The following PTCD1 variants were observed in gnomAD, a reference collection of about 807,000 sequenced individuals.
The protein encoded by PTCD1 is pentatricopeptide repeat domain 1, also known as pentatricopeptide repeat-containing protein 1, mitochondrial.
In PTCD1, 50 loss-of-function variants were observed where a neutral mutation model predicts 53.4. The observed-to-expected ratio is 0.94, with a 90% confidence interval of 0.75 to 1.19. PTCD1 has a LOEUF of 1.19. Ranked by LOEUF, PTCD1 falls within the 50% of genes most tolerant of loss-of-function variation. PTCD1 has a pLI of 0.00. For missense variants in PTCD1, 918 were observed against 904.8 expected, an observed-to-expected ratio of 1.01 and a Z score of -0.19; for synonymous variants, 413 against 394.8, an observed-to-expected ratio of 1.05 and a Z score of -0.55.
chr7:99,425,031 T>A lies in PTCD1; in HGVS notation c.1501A>T (p.Ser501Cys). 6.2e-7 allele frequency: 1 copy of A among 1,614,200 alleles called. No individual in the cohort carries two copies. The highest frequency in any genetic ancestry group is 8.5e-7 in the Non-Finnish European group (1 of 1,180,040). The change falls in exon 6 of 8, where the codon AGT becomes TGT. Residue 501 changes from serine (S) to cysteine (C), a missense_variant. Coordinates refer to ENST00000292478, the MANE Select transcript of PTCD1 (RefSeq NM_015545.4). ...GCCAGCAGCAAGGACTCTGCAGGAC[T>A]CCCGGACTCCACCACCTCGGCCAGT... ...TLLAEVVESGSPAESLLLALL... is the reference protein window; with the variant it reads ...TLLAEVVESGCPAESLLLALL...
Position 99,418,085 on chromosome 7 carries a change from A to C in PTCD1, c.*1882T>G. On this transcript the variant is annotated 3_prime_UTR_variant, in exon 8 of 8. Transcript: ENST00000292478. ...CGGGTTCAAGCGGTTCTCCTGCCTC[A>C]TCCTCCTGAGTAGCTGGGACTACAG... 3 of 743,866 alleles carry C rather than the reference A, an allele frequency of 4.0e-6. No homozygotes were observed. The highest frequency in any genetic ancestry group is 5.2e-6 in the Non-Finnish European group (3 of 578,754). The allele number at this position is 743,866 out of a possible 1,614,324, so 46.1% of individuals were successfully genotyped here.
In PTCD1 at chr7:99,419,499, C is replaced by T. The variant is rs1378296453; in HGVS notation, c.*468G>A. ...CGCAGGTTCCTGCCTGTCACGCCAC[C>T]CCCTTCCTGGGAGCAGCGAGCAGTG... On this transcript the variant is annotated 3_prime_UTR_variant, in exon 8 of 8. Transcript: ENST00000292478. 3 of 1,595,434 alleles carry T rather than the reference C, an allele frequency of 1.9e-6. No individual in the cohort carries two copies. Among genetic ancestry groups the T allele is most frequent in the Non-Finnish European group, 2.6e-6 (3 of 1,170,428 alleles).
rs765857196 is a variant in PTCD1, at chr7:99,434,955, G to A, written c.288C>T (p.Tyr96=). The change falls in exon 2 of 8, where the codon TAC becomes TAT. Residue 96 remains tyrosine, a synonymous_variant. Coordinates refer to ENST00000292478, the MANE Select transcript of PTCD1 (RefSeq NM_015545.4). ...ATTTGCGGAATAGTCTCCGGGAGGA[G>A]TATTTGTCAGAGAGGGTCCCAAAAC... The part of the protein sequence containing the change: ...EESFGTLSDK[Y]SSRRLFRKSA... The A allele has an allele frequency of 1.9e-6, 3 of 1,614,258 alleles. No homozygotes were observed. Among genetic ancestry groups the A allele is most frequent in the South Asian group, 1.1e-5 (1 of 91,088 alleles).
intron 1 of PTCD1, among the ~76,000 whole-genome samples, chr7:99,436,971 C>T (rs1486286014): frequency 6.6e-6 from 1 of 152,166 alleles, no homozygotes; most frequent in Non-Finnish European, 1.5e-5. Flanking sequence ...CTCAAGTGAT[C>T]CTCCTACCTC....
rs116670015 is a variant in PTCD1 at position 99,420,298 on chromosome 7, C to T, written c.1921-149G>A. ...GGACAGGGCAGAAAAGCTGTGAACA[C>T]GCACTATGGGACTAGCTTACTTCAG... On this transcript the variant is annotated intron_variant, in intron 7 of 7. Coordinates refer to ENST00000292478, the MANE Select transcript of PTCD1 (RefSeq NM_015545.4). 6.0e-4 allele frequency: 694 copies of T among 1,156,038 alleles called. 2 individuals carry two copies. The African/African-American group carries it at 8.7e-3, about 15-fold the overall frequency. The allele number at this position is 1,156,038 out of a possible 1,614,324, so 71.6% of individuals were successfully genotyped here. A position where few individuals can be genotyped will look rare whatever the true frequency, so the allele number is the denominator to read the frequency against.
At chr7:99,426,321 C>G (rs1008611426) in intron 5 of PTCD1, among the ~76,000 whole-genome samples, 4 of 152,212 alleles carry the variant, frequency 2.6e-5, no homozygotes, top group African/African-American at 9.6e-5. Flanking sequence ...TGCCGAGTAC[C>G]TGCGATTGCA....
At chr7:99,434,427 C>T (rs752591925) in intron 2 of PTCD1, among the ~76,000 whole-genome samples, 2 of 151,590 alleles carry the variant, frequency 1.3e-5, no homozygotes, top group Admixed American at 6.6e-5. Context: ...CCAGCCTGGG[C>T]GACAGAGTGA....
At position 99,424,987 on chromosome 7, in the gene PTCD1, C is replaced by T; in HGVS notation, c.1545G>A (p.Gln515=). The T allele has an allele frequency of 6.2e-7, 1 of 1,614,256 alleles. No individual in the cohort carries two copies. Among genetic ancestry groups the T allele is most frequent in the Non-Finnish European group, 8.5e-7 (1 of 1,180,042 alleles). ...TAAAGAATGTCAGGTCGGCCTCTAC[C>T]TGGTGCTCATCCAGGAGGGCCAGCA... ...SLLLALLDEH[Q]VEADLTFFNT... is the part of the protein sequence containing the mutation. The change falls in exon 6 of 8, where the codon CAG becomes CAA. Residue 515 remains glutamine (Q), a synonymous_variant. Transcript: ENST00000292478.
rs1303789668 is a variant in PTCD1, at chr7:99,424,856, C to G, written c.1676G>C (p.Cys559Ser). 3.7e-6 allele frequency: 6 copies of G among 1,614,150 alleles called. No individual in the cohort carries two copies. Residue 559 changes from cysteine to serine, a missense_variant, in exon 6 of 8, where the codon TGC becomes TCC. By Grantham distance (112) the Cys-to-Ser change is moderately radical. Coordinates refer to ENST00000292478, the MANE Select transcript of PTCD1 (RefSeq NM_015545.4). ...CCTGTGGCACCCGATGGCCAGGTTGCAGAATGTCTGCAGGTTGGGGACGAG... is the reference window on the plus strand; with the variant it reads ...CCTGTGGCACCCGATGGCCAGGTTGGAGAATGTCTGCAGGTTGGGGACGAG... ...RGLVPNLQTF[C>S]NLAIGCHRPK... is the part of the protein sequence containing the mutation.
chr7:99,433,277 C>A lies in PTCD1; in HGVS notation c.594+1G>T. The A allele has an allele frequency of 1.9e-6, 3 of 1,614,166 alleles. No individual in the cohort carries two copies. The highest frequency in any genetic ancestry group is 1.7e-6 in the Non-Finnish European group (2 of 1,180,024). ...CCCGGCTGCCCTGCGCCCACATGCA[C>A]CTGGTTGTAGAGGTTGAAGGCCTTC... On this transcript the variant is annotated splice_donor_variant, in intron 3 of 7. Transcript: ENST00000292478. LOFTEE classifies it high-confidence loss of function.
At chr7:99,428,144 G>A (rs1057105220) in intron 5 of PTCD1, among the ~76,000 whole-genome samples, 1 of 151,722 alleles carries the variant, frequency 6.6e-6, no homozygotes, top group African/African-American at 2.4e-5. Flanking sequence ...GCTCACGCCT[G>A]TAATACTAGC....
chr7:99,420,071 C>T lies in PTCD1; in HGVS notation c.1999G>A (p.Ala667Thr), dbSNP rs199655168. The T allele has an allele frequency of 6.9e-5, 111 of 1,614,220 alleles. No individual in the cohort carries two copies. In the East Asian group the frequency reaches 9.8e-4, roughly 14 times the overall value. The change falls in exon 8 of 8, where the codon GCA (alanine) becomes ACA (threonine). Residue 667 changes from alanine (A) to threonine (T), a missense_variant. Coordinates refer to ENST00000292478, the MANE Select transcript of PTCD1 (RefSeq NM_015545.4). ...TGCCAGGGGTGCGGGGTTTCCTCTG[C>T]GGGCATCACTGTCAGCCACTGCTTG... ...YYKQWLTVMP[A>T]EETPHPWQKF... is the part of the protein sequence containing the mutation.
Position 99,433,429 on chromosome 7 carries a change from G to A in PTCD1, c.454-11C>T. The A allele has an allele frequency of 6.2e-7, 1 of 1,614,156 alleles. No individual in the cohort carries two copies. The highest frequency in any genetic ancestry group is 8.5e-7 in the Non-Finnish European group (1 of 1,180,042). ...CAGGGCTTCAACCAGCTGCAGGGAA[G>A]AGGCAACAGGGCAGGGGCTCAGAAT... On this transcript the variant is annotated splice_polypyrimidine_tract_variant and intron_variant, in intron 2 of 7. Coordinates refer to ENST00000292478, the MANE Select transcript of PTCD1 (RefSeq NM_015545.4).
chr7:99,435,189 C>T lies in PTCD1; in HGVS notation c.54G>A (p.Leu18=). 2 of 1,605,086 alleles carry T rather than the reference C, an allele frequency of 1.2e-6. No homozygotes were observed. Among genetic ancestry groups the T allele is most frequent in the South Asian group, 2.2e-5 (2 of 91,036 alleles). Residue 18 remains leucine, a synonymous_variant, in exon 2 of 8, where the codon CTG becomes CTA. Transcript: ENST00000292478. ...RLFARARPMG[L]FILQHLDPCR... ...AGGGGTCCAGGTGTTGCAGGATGAA[C>T]AGTCCCATGGGGCGGGCCCTGGCGA...
At chr7:99,437,397 C>A (rs1203039384) in intron 1 of PTCD1, among the ~76,000 whole-genome samples, 3 of 152,060 alleles carry the variant, frequency 2.0e-5, no homozygotes, top group African/African-American at 7.2e-5. Context: ...TTCCGCCTCC[C>A]GGATTCAAGC....
rs199908866 is a variant in PTCD1, at chr7:99,429,184, G to C, written c.834C>G (p.His278Gln). ...DVFKEIIHKGHVVTEETFSFL... is the reference protein window; with the variant it reads ...DVFKEIIHKGQVVTEETFSFL... ...AACTGAAGGTCTCCTCTGTGACCAC[G>C]TGCCCTTTGTGGATGATTTCCTGGG... Residue 278 changes from histidine (H) to glutamine (Q), a missense_variant, in exon 5 of 8, where the codon CAC becomes CAG. Physicochemically the swap from His to Gln is conservative, Grantham distance 24 (BLOSUM62 0). Transcript: ENST00000292478. The C allele has an allele frequency of 1.2e-5, 19 of 1,613,982 alleles. No homozygotes were observed. The highest frequency in any genetic ancestry group is 1.5e-5 in the Non-Finnish European group (18 of 1,180,008).
intron 2 of PTCD1, 46 bp from the exon 3 acceptor site, chr7:99,433,464 G>A: frequency 6.2e-7 from 1 of 1,613,468 alleles, no homozygotes; most frequent in Non-Finnish European, 8.5e-7. Context: ...TGGCCCCAGA[G>A]ACCCTCAGCA....
chr7:99,429,121 G>T lies in PTCD1; in HGVS notation c.897C>A (p.Gly299=), dbSNP rs1414688623. Residue 299 remains glycine, a synonymous_variant, in exon 5 of 8, where the codon GGC becomes GGA. Transcript: ENST00000292478. Reference sequence around the variant, plus strand: ...GACATACCTGGAGGGCGTACCGGAAGCCTGTCTTCTTGTCTTGGATGCAGC... The same window carrying T: ...GACATACCTGGAGGGCGTACCGGAATCCTGTCTTCTTGTCTTGGATGCAGC... ...LMGCIQDKKT[G]FRYALQVWRL... The T allele has an allele frequency of 8.1e-6, 13 of 1,614,084 alleles. No individual in the cohort carries two copies. The highest frequency in any genetic ancestry group is 1.1e-5 in the Non-Finnish European group (13 of 1,180,036).
rs1026074981 is a variant in PTCD1, at chr7:99,430,970, G to T, written c.595-1164C>A. Among the ~76,000 whole-genome samples the T allele has an allele frequency of 6.6e-5, 10 of 152,072 alleles. 1 individual carries two copies. In the South Asian group the frequency reaches 1.2e-3, roughly 19 times the overall value. On this transcript the variant is annotated intron_variant, in intron 3 of 7. Transcript: ENST00000292478. ...GGCGCCTTTAATCCCAGCTACTCGG[G>T]AGGCTGAGGCAGGAGAATTGCTTGA...
Sources: allele counts gnomAD v4.1 joint callset (sites outside exome capture counted in the v4.1 genomes callset), GRCh38; gene constraint gnomAD v4.1.1; transcripts MANE v1.5; gene names NCBI Gene and HGNC (gene_info 2026-07-23, HGNC 2026-07-21).